The following PPP2R2C variants were observed in gnomAD, a reference collection of about 807,000 sequenced individuals.
PPP2R2C encodes protein phosphatase 2, regulatory subunit B, gamma.
In PPP2R2C, 10 loss-of-function variants were observed where a neutral mutation model predicts 45.3. That is an observed-to-expected ratio of 0.22 (90% CI 0.14 to 0.37). PPP2R2C has a LOEUF of 0.37. Among genes scored for constraint, PPP2R2C ranks in the 10% least tolerant of loss-of-function variants. The pLI, the probability that PPP2R2C is intolerant of heterozygous loss-of-function variation, is 1.00. For synonymous variants in PPP2R2C, 257 were observed against 245.4 expected, an observed-to-expected ratio of 1.05 and a Z score of -0.44; for missense variants, 308 against 619.7, an observed-to-expected ratio of 0.50 and a Z score of 5.34.
At chr4:6,355,882 T>G (rs1442108223) in intron 5 of PPP2R2C, among the ~76,000 whole-genome samples, 1 of 150,510 alleles carries the variant, frequency 6.6e-6, no homozygotes, top group African/African-American at 2.4e-5. Context: ...TAATCCCAGC[T>G]ACTCAGGAGG....
chr4:6,495,741 A>G (rs1452948033), intron 2 of PPP2R2C, among the ~76,000 whole-genome samples: 1 of 152,212 alleles, frequency 6.6e-6, no homozygotes, highest in African/African-American at 2.4e-5. Flanking sequence ...GCCGGGAGGG[A>G]GAGGAGGCTC....
At chr4:6,522,221 G>A (rs1481633324) in intron 2 of PPP2R2C, among the ~76,000 whole-genome samples, 1 of 152,218 alleles carries the variant, frequency 6.6e-6, no homozygotes, top group Non-Finnish European at 1.5e-5. Context: ...GACTCCAACA[G>A]AGGCAGAAAG....
chr4:6,458,086 A>G (rs1390022224), intron 1 of PPP2R2C, among the ~76,000 whole-genome samples: 4 of 152,236 alleles, frequency 2.6e-5, no homozygotes, highest in African/African-American at 9.6e-5. Flanking sequence ...TCAGCTTCCC[A>G]AGATCATGGA....
At chr4:6,410,840 GTTTTAT>G (rs1180757877) in intron 1 of PPP2R2C, among the ~76,000 whole-genome samples, 1 of 132,972 alleles carries the variant, frequency 7.5e-6, no homozygotes, top group African/African-American at 2.7e-5. Flanking sequence ...TATTCCCCCT[GTTTTAT>G]TTATTTATTT....
At chr4:6,562,025 C>G (rs1725593480) in intron 1 of PPP2R2C, among the ~76,000 whole-genome samples, 1 of 152,178 alleles carries the variant, frequency 6.6e-6, no homozygotes, top group Non-Finnish European at 1.5e-5. Flanking sequence ...AGGGTATTCC[C>G]AGGGGTGAGG....
chr4:6,463,056 A>C (rs1721410707), intron 1 of PPP2R2C, among the ~76,000 whole-genome samples: 1 of 152,252 alleles, frequency 6.6e-6, no homozygotes, highest in Non-Finnish European at 1.5e-5. Flanking sequence ...CAGAAGTGGC[A>C]CAAATTTGAA....
chr4:6,474,201 C>T (rs114946891), upstream of PPP2R2C, among the ~76,000 whole-genome samples: 517 of 151,892 alleles, frequency 3.4e-3, 2 homozygotes, highest in African/African-American at 0.012. Context: ...ACATGCCCCC[C>T]ACCTCACATC....
At chr4:6,453,172 A>T (rs1720830679) in intron 1 of PPP2R2C, among the ~76,000 whole-genome samples, 1 of 152,110 alleles carries the variant, frequency 6.6e-6, no homozygotes, top group Non-Finnish European at 1.5e-5. Context: ...GGACCCCCCC[A>T]CAGAGGATAT....
intron 1 of PPP2R2C, among the ~76,000 whole-genome samples, chr4:6,559,624 C>T (rs1725513217): frequency 6.6e-6 from 1 of 152,054 alleles, no homozygotes; most frequent in African/African-American, 2.4e-5. Context: ...AATCCTAACC[C>T]CCAATGTGAG....
intron 5 of PPP2R2C, among the ~76,000 whole-genome samples, chr4:6,370,132 C>G (rs1483366973): frequency 6.6e-6 from 1 of 152,222 alleles, no homozygotes; most frequent in African/African-American, 2.4e-5. Context: ...GCCACTGTCC[C>G]AGGGCTGCAG....
chr4:6,470,268 G>A (rs886735542), intron 1 of PPP2R2C, among the ~76,000 whole-genome samples: 1 of 152,094 alleles, frequency 6.6e-6, no homozygotes, highest in Admixed American at 6.6e-5. Context: ...AACAGTGCCC[G>A]GCATGCAGCA....
chr4:6,561,466 A>C, intron 1 of PPP2R2C, among the ~76,000 whole-genome samples: 2 of 145,536 alleles, frequency 1.4e-5, no homozygotes, highest in East Asian at 2.3e-4. Flanking sequence ...CTGGGTCGGA[A>C]GGAGGTGGGG....
chr4:6,550,906 A>G (rs1178276268), intron 1 of PPP2R2C, among the ~76,000 whole-genome samples: 4 of 152,176 alleles, frequency 2.6e-5, no homozygotes, highest in Admixed American at 2.6e-4. Context: ...TCAGCATCCC[A>G]AAGTGCTGGG....
chr4:6,556,852 G>A (rs1487146868), intron 1 of PPP2R2C, among the ~76,000 whole-genome samples: 1 of 152,152 alleles, frequency 6.6e-6, no homozygotes, highest in East Asian at 1.9e-4. Flanking sequence ...TGCAGCCACT[G>A]CACCCTCCTC....
At chr4:6,438,375 T>C (rs1002448128) in intron 1 of PPP2R2C, among the ~76,000 whole-genome samples, 2 of 152,230 alleles carry the variant, frequency 1.3e-5, no homozygotes, top group African/African-American at 2.4e-5. Flanking sequence ...CAAAGGAATG[T>C]GGCCCAAGAG....
In PPP2R2C at chr4:6,323,058, T is replaced by C. The variant is rs3796398; in HGVS notation, c.*244A>G. On this transcript the variant is annotated 3_prime_UTR_variant, in exon 9 of 9. Coordinates refer to ENST00000382599, the MANE Select transcript of PPP2R2C (RefSeq NM_020416.4). ...ACAGTCATGTCCATTTTATGATTTGTGGCGGTGAACGCTTCCTTTCCTTTT... is the reference window on the plus strand; with the variant it reads ...ACAGTCATGTCCATTTTATGATTTGCGGCGGTGAACGCTTCCTTTCCTTTT... The C allele has an allele frequency of 0.51, 213,105 of 420,516 alleles. 57,207 individuals are homozygous for C. Among genetic ancestry groups the C allele is most frequent in the East Asian group, 0.89 (23,592 of 26,530 alleles). The allele number at this position is 420,516 out of a possible 1,614,324, so 26.0% of individuals were successfully genotyped here. A position where few individuals can be genotyped will look rare whatever the true frequency, so the allele number is the denominator to read the frequency against.
Position 6,385,469 on chromosome 4 carries a change from T to C in PPP2R2C, c.71-4375A>G, listed in dbSNP as rs181150882. Among the ~76,000 whole-genome samples the C allele has an allele frequency of 2.0e-3, 303 of 152,284 alleles. 2 individuals are homozygous for C. Among genetic ancestry groups the C allele is most frequent in the African/African-American group, 6.6e-3 (276 of 41,552 alleles). ...TCTTCTCATCTTGGATTATCTGACA[T>C]TTCCAGCTCCAATACCACCTCCTCC... On this transcript the variant is annotated intron_variant, in intron 1 of 8. Coordinates refer to ENST00000382599, the MANE Select transcript of PPP2R2C (RefSeq NM_020416.4).
At chr4:6,458,395 T>C (rs1019284420) in intron 1 of PPP2R2C, among the ~76,000 whole-genome samples, 2 of 152,152 alleles carry the variant, frequency 1.3e-5, no homozygotes, top group Non-Finnish European at 2.9e-5. Context: ...ACTTCCTGAC[T>C]CTCAAACAGT....
At chr4:6,374,088 T>C (rs927677417) in intron 4 of PPP2R2C, among the ~76,000 whole-genome samples, 3 of 152,134 alleles carry the variant, frequency 2.0e-5, no homozygotes, top group African/African-American at 4.8e-5. Context: ...ATTTTAGCTA[T>C]GCTGCTAACC....
Sources: gnomAD v4.1 joint callset for allele counts (sites outside exome capture counted in the v4.1 genomes callset) on GRCh38, gnomAD v4.1.1 for gene constraint, MANE v1.5 for transcripts, NCBI Gene and HGNC (gene_info 2026-07-23, HGNC 2026-07-21) for gene names.